The following CCDC85A variants were observed in gnomAD, a reference collection of about 807,000 sequenced individuals.
CCDC85A encodes the protein coiled-coil domain containing 85A, also known as coiled-coil domain-containing protein 85A.
In CCDC85A, 38 loss-of-function variants were observed where a neutral mutation model predicts 50.2. The observed-to-expected ratio is 0.76, with a 90% confidence interval of 0.58 to 0.99. The LOEUF (loss-of-function observed/expected upper bound fraction) is 0.99, where lower values mean the gene tolerates loss of function less well. Ranked by LOEUF, CCDC85A falls within the 50% of genes least tolerant of loss-of-function variation. CCDC85A has a pLI of 0.00. For synonymous variants in CCDC85A, 366 were observed against 301.4 expected (o/e 1.21, Z -2.22); for missense variants, 820 against 742.0 (o/e 1.11, Z -1.22).
At chr2:56,232,008 G>T (rs904173621) in intron 2 of CCDC85A, among the ~76,000 whole-genome samples, 1 of 151,954 alleles carries the variant, frequency 6.6e-6, no homozygotes, top group East Asian at 1.9e-4. Flanking sequence ...TGGTTGTTTG[G>T]TGTTACTCCT....
chr2:56,214,675 A>T (rs2103888236), intron 2 of CCDC85A, among the ~76,000 whole-genome samples: 1 of 152,048 alleles, frequency 6.6e-6, no homozygotes, highest in East Asian at 1.9e-4. Context: ...TTTGTTAAAG[A>T]TCAATGGACT....
chr2:56,235,157 C>T (rs1420876140), intron 2 of CCDC85A: 2 of 152,116 alleles, frequency 1.3e-5, no homozygotes, highest in Non-Finnish European at 1.5e-5. Context: ...AAGCTAAATA[C>T]TTATCCCTAA....
At chr2:56,215,675 C>T (rs1356848081) in intron 2 of CCDC85A, among the ~76,000 whole-genome samples, 2 of 146,080 alleles carry the variant, frequency 1.4e-5, no homozygotes, top group Admixed American at 1.4e-4. Flanking sequence ...AGACTATATT[C>T]TCTTTGAACT....
chr2:56,366,199 C>G (rs1675785522), intron 3 of CCDC85A, among the ~76,000 whole-genome samples: 1 of 152,082 alleles, frequency 6.6e-6, no homozygotes, highest in Non-Finnish European at 1.5e-5. Flanking sequence ...GCTATTATGA[C>G]TAATGCTGCA....
In CCDC85A at chr2:56,193,372, G is replaced by A. The variant is rs1231735763; in HGVS notation, c.1172G>A (p.Gly391Asp). ...SGGSGGGSRE[G>D]TLRRQAQEDG... Reference sequence around the variant, plus strand: ...GGCAGCGGCGGAGGCAGCAGGGAGGGCACCCTCAGACGGCAGGCACAGGAG... The same window carrying A: ...GGCAGCGGCGGAGGCAGCAGGGAGGACACCCTCAGACGGCAGGCACAGGAG... The change falls in exon 2 of 6, where the codon GGC (glycine) becomes GAC (aspartate). Residue 391 changes from glycine to aspartate, a missense_variant. Transcript: ENST00000407595. 1 of 1,611,370 alleles carries A rather than the reference G, an allele frequency of 6.2e-7. No individual in the cohort carries two copies. Among genetic ancestry groups the A allele is most frequent in the Non-Finnish European group, 8.5e-7 (1 of 1,178,676 alleles).
intron 2 of CCDC85A, among the ~76,000 whole-genome samples, chr2:56,250,786 T>C (rs1212951427): frequency 4.6e-5 from 7 of 152,226 alleles, no homozygotes; most frequent in Non-Finnish European, 8.8e-5. Flanking sequence ...CATTTGTCAT[T>C]GCTAGAGTTG....
In CCDC85A at chr2:56,355,404, T is replaced by C. The variant is rs528869586; in HGVS notation, c.1317+12449T>C. Among the ~76,000 whole-genome samples, 13 of 152,336 alleles carry C rather than the reference T, an allele frequency of 8.5e-5. No homozygotes were observed. In the South Asian group the frequency reaches 2.7e-3, roughly 32 times the overall value. On this transcript the variant is annotated intron_variant, in intron 3 of 5. Transcript: ENST00000407595. ...ATTCTTCTTAATTCACGTGTGTCTA[T>C]AGTCTATTTCTTACCTTTGGGAGAA...
Position 56,269,888 on chromosome 2 carries a change from G to A in CCDC85A, c.1241-72991G>A, listed in dbSNP as rs182010175. On this transcript the variant is annotated intron_variant, in intron 2 of 5. Transcript: ENST00000407595. ...GCTATTATATTTTCTATCCACATTA[G>A]CTTTGCTGGTGAGTTTTATTTTATA... Among the ~76,000 whole-genome samples the A allele has an allele frequency of 1.8e-4, 27 of 152,170 alleles. 1 individual carries two copies. Among genetic ancestry groups the A allele is most frequent in the Admixed American group, 1.0e-3 (16 of 15,278 alleles).
At chr2:56,183,907 T>C, upstream of CCDC85A, 1 of 985,348 alleles carries the variant, frequency 1.0e-6, no homozygotes, top group Non-Finnish European at 1.2e-6. Flanking sequence ...GGCAGCTGCG[T>C]CCAGCCCATG....
chr2:56,331,933 C>T (rs1346448733), intron 2 of CCDC85A, among the ~76,000 whole-genome samples: 2 of 152,228 alleles, frequency 1.3e-5, no homozygotes, highest in East Asian at 1.9e-4. Context: ...ACTGCTGCCC[C>T]CTGCCCCCTC....
intron 2 of CCDC85A, among the ~76,000 whole-genome samples, chr2:56,308,723 T>C (rs1330769290): frequency 3.9e-5 from 6 of 152,188 alleles, no homozygotes; most frequent in Admixed American, 1.3e-4. Flanking sequence ...AGAACTCATA[T>C]GTATTGAAAG....
At chr2:56,371,418 T>G (rs555606039) in intron 3 of CCDC85A, among the ~76,000 whole-genome samples, 6 of 152,156 alleles carry the variant, frequency 3.9e-5, no homozygotes, top group Non-Finnish European at 5.9e-5. Flanking sequence ...AATTAAAATT[T>G]TATGTTCTTA....
At chr2:56,378,980 T>C (rs1320549071) in intron 5 of CCDC85A, among the ~76,000 whole-genome samples, 1 of 152,206 alleles carries the variant, frequency 6.6e-6, no homozygotes, top group Non-Finnish European at 1.5e-5. Flanking sequence ...TTTTCTCCTT[T>C]TGTAGTATAA....
intron 3 of CCDC85A, among the ~76,000 whole-genome samples, chr2:56,349,108 T>C (rs994985164): frequency 1.3e-5 from 2 of 152,150 alleles, no homozygotes; most frequent in African/African-American, 4.8e-5. Flanking sequence ...TACTTTTTTT[T>C]CTCATGAAGA....
At chr2:56,303,815 T>C (rs1258728449) in intron 2 of CCDC85A, among the ~76,000 whole-genome samples, 2 of 152,144 alleles carry the variant, frequency 1.3e-5, no homozygotes, top group Non-Finnish European at 2.9e-5. Flanking sequence ...CTTTAGACTG[T>C]TATGTTCTGG....
At chr2:56,227,890 G>C (rs1668609665) in intron 2 of CCDC85A, among the ~76,000 whole-genome samples, 2 of 152,148 alleles carry the variant, frequency 1.3e-5, no homozygotes, top group South Asian at 4.1e-4. Context: ...GATTTCAAGA[G>C]TTATGAAAGA....
At chr2:56,360,883 C>T (rs981133257) in intron 3 of CCDC85A, among the ~76,000 whole-genome samples, 26 of 152,196 alleles carry the variant, frequency 1.7e-4, no homozygotes, top group Non-Finnish European at 4.4e-5. Flanking sequence ...TGGTTTGGTA[C>T]AGGAATATTT....
chr2:56,295,604 C>T (rs1269325122), intron 2 of CCDC85A, among the ~76,000 whole-genome samples: 1 of 152,066 alleles, frequency 6.6e-6, no homozygotes, highest in Non-Finnish European at 1.5e-5. Flanking sequence ...GTGCTTGGCT[C>T]CTACAAAAAG....
intron 5 of CCDC85A, among the ~76,000 whole-genome samples, chr2:56,380,855 G>GCACTGGTCATGTTAAA (rs1442477249): frequency 6.6e-6 from 1 of 152,012 alleles, no homozygotes; most frequent in Non-Finnish European, 1.5e-5. Context: ...TCATGGTTAA[G>GCACTGGTCATGTTAAA]CACTGGTCAT....
Sources: allele counts gnomAD v4.1 joint callset (sites outside exome capture counted in the v4.1 genomes callset), GRCh38; gene constraint gnomAD v4.1.1; transcripts MANE v1.5; gene names NCBI Gene and HGNC (gene_info 2026-07-23, HGNC 2026-07-21).